The following FAF1 variants were observed in gnomAD, a reference collection of about 807,000 sequenced individuals.
FAF1 encodes the protein Fas associated factor 1, also known as FAS-associated factor 1.
In FAF1, 25 loss-of-function variants were observed where a neutral mutation model predicts 92.5. That is an observed-to-expected ratio of 0.27 (90% CI 0.20 to 0.38). FAF1 has a LOEUF of 0.38. Ranked by LOEUF, FAF1 falls within the 10% of genes least tolerant of loss-of-function variation. The pLI is 1.00. For missense variants in FAF1, 636 were observed against 793.3 expected, an observed-to-expected ratio of 0.80 and a Z score of 2.38; for synonymous variants, 234 against 273.2, an observed-to-expected ratio of 0.86 and a Z score of 1.42.
chr1:50,451,894 T>C, intron 18 of FAF1: 1 of 1,080,726 alleles, frequency 9.3e-7, no homozygotes. Context: ...GGTATTATAA[T>C]GTTAAAATGG....
chr1:50,604,107 G>C (rs1208931190), intron 8 of FAF1, among the ~76,000 whole-genome samples: 6 of 152,110 alleles, frequency 3.9e-5, no homozygotes, highest in Non-Finnish European at 7.4e-5. Flanking sequence ...GCTATACATG[G>C]CTTCATTTTA....
rs182876127 is a variant in FAF1 at position 50,649,004 on chromosome 1, G to A, written c.744+6438C>T. On this transcript the variant is annotated intron_variant, in intron 8 of 18. Coordinates refer to ENST00000396153, the MANE Select transcript of FAF1 (RefSeq NM_007051.3). ...TCAATACGTTGGCCAGGCTGGTCTC[G>A]AACTCCTGACCTCGTGATCCGTCTG... Among the ~76,000 whole-genome samples the A allele has an allele frequency of 7.2e-3, 1,089 of 152,210 alleles. 10 individuals carry two copies. Among genetic ancestry groups the A allele is most frequent in the Non-Finnish European group, 7.9e-3 (534 of 68,018 alleles).
At chr1:50,892,583 T>C (rs545401628) in intron 1 of FAF1, among the ~76,000 whole-genome samples, 2 of 152,338 alleles carry the variant, frequency 1.3e-5, no homozygotes, top group Admixed American at 1.3e-4. Context: ...AGCTCCATTG[T>C]ATGTTGTTTC....
chr1:50,662,190 T>C (rs1384060977), intron 7 of FAF1, among the ~76,000 whole-genome samples: 1 of 152,238 alleles, frequency 6.6e-6, no homozygotes, highest in Non-Finnish European at 1.5e-5. Flanking sequence ...GACATTTCTT[T>C]TTCTCAAATA....
At chr1:50,488,124 T>C (rs1489310018) in intron 17 of FAF1, among the ~76,000 whole-genome samples, 3 of 152,172 alleles carry the variant, frequency 2.0e-5, no homozygotes, top group African/African-American at 7.2e-5. Context: ...TAAGGGAGAA[T>C]AGAGTGCATA....
chr1:50,652,651 A>G (rs953313644), intron 8 of FAF1, among the ~76,000 whole-genome samples: 1 of 152,238 alleles, frequency 6.6e-6, no homozygotes, highest in Non-Finnish European at 1.5e-5. Context: ...ACAGTATAAT[A>G]AACCCAATAT....
chr1:50,630,828 CTTTTT>C (rs1052085908), intron 8 of FAF1, among the ~76,000 whole-genome samples: 2 of 102,530 alleles, frequency 2.0e-5, no homozygotes, highest in African/African-American at 3.8e-5. Context: ...TGTATCATAT[CTTTTT>C]TTTTTTTTTT....
chr1:50,484,218 T>TA (rs1646734935), intron 17 of FAF1, among the ~76,000 whole-genome samples: 1 of 152,176 alleles, frequency 6.6e-6, no homozygotes, highest in Non-Finnish European at 1.5e-5. Context: ...ATGGATAGCT[T>TA]ACTACTCTAC....
At chr1:50,598,434 C>T (rs2124090356) in intron 8 of FAF1, among the ~76,000 whole-genome samples, 1 of 145,918 alleles carries the variant, frequency 6.9e-6, no homozygotes, top group Non-Finnish European at 1.5e-5. Context: ...TGCATTCTAG[C>T]CTGGGTGATA....
intron 15 of FAF1, among the ~76,000 whole-genome samples, chr1:50,529,274 A>C (rs1441885104): frequency 6.6e-6 from 1 of 152,234 alleles, no homozygotes; most frequent in Non-Finnish European, 1.5e-5. Flanking sequence ...AATTGACTTA[A>C]GCAAGGAAAA....
At chr1:50,930,857 C>G (rs1645041834) in intron 1 of FAF1, among the ~76,000 whole-genome samples, 1 of 152,082 alleles carries the variant, frequency 6.6e-6, no homozygotes, top group Non-Finnish European at 1.5e-5. Context: ...AATAAGAAAA[C>G]TAAAGAAGGC....
intron 9 of FAF1, among the ~76,000 whole-genome samples, chr1:50,594,103 A>T (rs1651668757): frequency 6.6e-6 from 1 of 152,094 alleles, no homozygotes; most frequent in South Asian, 2.1e-4. Flanking sequence ...ATTTGAGGTC[A>T]GGAGTTCAAG....
intron 1 of FAF1, among the ~76,000 whole-genome samples, chr1:50,926,417 A>G (rs1359128214): frequency 6.6e-6 from 1 of 152,210 alleles, no homozygotes; most frequent in Non-Finnish European, 1.5e-5. Context: ...TAGATATTGG[A>G]GACTGGGAAG....
intron 3 of FAF1, among the ~76,000 whole-genome samples, chr1:50,798,513 AATAAT>A (rs1661850435): frequency 6.6e-6 from 1 of 152,276 alleles, no homozygotes; most frequent in South Asian, 2.1e-4. Context: ...ATGTTAAATA[AATAAT>A]ATACTGGACC....
chr1:50,827,767 A>G (rs1037178266), intron 2 of FAF1, among the ~76,000 whole-genome samples: 2 of 152,180 alleles, frequency 1.3e-5, no homozygotes, highest in African/African-American at 4.8e-5. Context: ...TATCTAACGA[A>G]TATCTTAAAA....
intron 2 of FAF1, among the ~76,000 whole-genome samples, chr1:50,846,137 C>T (rs938415671): frequency 2.7e-5 from 4 of 150,190 alleles, no homozygotes; most frequent in East Asian, 2.0e-4. Context: ...GGAAAAGAAA[C>T]GAAAAAGGAA....
At chr1:50,943,154 A>G (rs1051769917) in intron 1 of FAF1, among the ~76,000 whole-genome samples, 16 of 152,226 alleles carry the variant, frequency 1.1e-4, no homozygotes, top group African/African-American at 3.6e-4. Flanking sequence ...GTATGCCACT[A>G]TCAGGCACTC....
At chr1:50,448,878 G>A (rs1018967669) in intron 18 of FAF1, among the ~76,000 whole-genome samples, 15 of 150,446 alleles carry the variant, frequency 1.0e-4, no homozygotes, top group Non-Finnish European at 2.1e-4. Context: ...AAAAACCTCA[G>A]AGCACTAAGC....
intron 1 of FAF1, among the ~76,000 whole-genome samples, chr1:50,930,806 A>T (rs969019142): frequency 1.3e-5 from 2 of 151,886 alleles, no homozygotes; most frequent in African/African-American, 4.9e-5. Context: ...GTCTCAAAAA[A>T]GAAAAAAAAG....
Sources: gnomAD v4.1 joint callset for allele counts (sites outside exome capture counted in the v4.1 genomes callset) on GRCh38, gnomAD v4.1.1 for gene constraint, MANE v1.5 for transcripts, NCBI Gene and HGNC (gene_info 2026-07-23, HGNC 2026-07-21) for gene names.